Variants in ARHGEF1 observed in about 807,000 individuals in gnomAD.
ARHGEF1 encodes Rho guanine nucleotide exchange factor 1, also known as 115 kDa guanine nucleotide exchange factor.
In ARHGEF1, 40 loss-of-function variants were observed where a neutral mutation model predicts 119.7. The observed-to-expected ratio is 0.33, with a 90% confidence interval of 0.26 to 0.44. The LOEUF (loss-of-function observed/expected upper bound fraction) is 0.44, where lower values mean the gene tolerates loss of function less well. Among genes scored for constraint, ARHGEF1 ranks in the 20% least tolerant of loss-of-function variants. ARHGEF1 has a pLI of 1.00. For missense variants in ARHGEF1, 976 were observed against 1,268.3 expected (o/e 0.77, Z 3.50); for synonymous variants, 494 against 521.0 (o/e 0.95, Z 0.71).
intron 10 of ARHGEF1, 37 bp downstream of exon 10, chr19:41,894,584 C>T (rs781889347): frequency 1.2e-6 from 2 of 1,613,924 alleles, no homozygotes; most frequent in African/African-American, 2.7e-5. Flanking sequence ...CCCTGTCTTC[C>T]CCAGCTGCTC....
chr19:41,902,356 G>T lies in ARHGEF1; in HGVS notation c.1497G>T (p.Arg499=). 6.2e-7 allele frequency: 1 copy of T among 1,614,030 alleles called. No homozygotes were observed. The part of the protein sequence containing the change: ...IEEIGDVLLA[R]FDGAEGSWFQ... ...AGATCGGAGACGTGCTGCTGGCCCG[G>T]GTGAGATGCCCAGCCCTCCCGCTCC... is the stretch of plus-strand genomic sequence containing the variant. Residue 499 remains arginine, a splice_region_variant and synonymous_variant, in exon 16 of 29, where the codon CGG becomes CGT. Transcript: ENST00000354532. This position sits in a 1 kb window ranked among gnomAD's most constrained non-coding sequence, Gnocchi z 6.5.
At position 41,903,784 on chromosome 19, in the gene ARHGEF1, GGT is replaced by G; in HGVS notation, c.1917+4_1917+5del. 6.2e-7 allele frequency: 1 copy of G among 1,612,918 alleles called. No individual in the cohort carries two copies. On this transcript the variant is annotated splice_donor_variant, in intron 20 of 28. Coordinates refer to ENST00000354532, the MANE Select transcript of ARHGEF1 (RefSeq NM_004706.4). LOFTEE classifies it high-confidence loss of function. This position sits in a 1 kb window ranked among gnomAD's most constrained non-coding sequence, Gnocchi z 4.2. ...GCGACCCTATGCTGAGCGAGTTCAA[GGT>G]GTGACCATACCCTCCTGCCTCCCCC...
Position 41,906,623 on chromosome 19 carries a change from G to C in ARHGEF1, c.2655+3G>C. ...AGGAGACCATGAAGCAGCTGGAGGT[G>C]GGGCGGGACGGGCCAGGGGTGCCCT... On this transcript the variant is annotated splice_donor_region_variant and intron_variant, in intron 27 of 28. Coordinates refer to ENST00000354532, the MANE Select transcript of ARHGEF1 (RefSeq NM_004706.4). This position sits in a 1 kb window ranked among gnomAD's most constrained non-coding sequence, Gnocchi z 4.5. 1 of 1,602,220 alleles carries C rather than the reference G, an allele frequency of 6.2e-7. No homozygotes were observed. The highest frequency in any genetic ancestry group is 8.5e-7 in the Non-Finnish European group (1 of 1,176,160).
rs189050824 is a variant in ARHGEF1, at chr19:41,903,118, C to T, written c.1739-189C>T. ...GTTTTTTTTTTTAGAGACGGGGTCT[C>T]GCCATGTTGCCCAGGCTGGCTTTGA... On this transcript the variant is annotated intron_variant, in intron 18 of 28. Coordinates refer to ENST00000354532, the MANE Select transcript of ARHGEF1 (RefSeq NM_004706.4). This position sits in a 1 kb window ranked among gnomAD's most constrained non-coding sequence, Gnocchi z 4.2. 4.3e-4 allele frequency among the ~76,000 whole-genome samples: 66 copies of T among 151,876 alleles called. No individual in the cohort carries two copies. The highest frequency in any genetic ancestry group is 1.6e-3 in the African/African-American group (65 of 41,394).
Position 41,892,792 on chromosome 19 carries a change from A to ACGAGGC in ARHGEF1, c.559_564dup (p.Glu187_Ala188dup). 6.3e-7 allele frequency: 1 copy of ACGAGGC among 1,598,614 alleles called. No homozygotes were observed. Among genetic ancestry groups the ACGAGGC allele is most frequent in the East Asian group, 2.2e-5 (1 of 44,628 alleles). On this transcript the variant is annotated inframe_insertion, in exon 7 of 29. Transcript: ENST00000354532. This position sits in a 1 kb window ranked among gnomAD's most constrained non-coding sequence, Gnocchi z 6.3. ...TGGGTTGGGCGGGACCGAGCCAGCT[A>ACGAGGC]CGAGGCCCGGGAGCGGCACGTGGCG...
chr19:41,898,427 G>A lies in ARHGEF1; in HGVS notation c.1122-15G>A. On this transcript the variant is annotated splice_polypyrimidine_tract_variant and intron_variant, in intron 13 of 28. Coordinates refer to ENST00000354532, the MANE Select transcript of ARHGEF1 (RefSeq NM_004706.4). ...ATGGCCCAAGCTGGGGCCCTAACAAGGCCTCTGTCCACAGCCCCGAGCCTG... is the reference window on the plus strand; with the variant it reads ...ATGGCCCAAGCTGGGGCCCTAACAAAGCCTCTGTCCACAGCCCCGAGCCTG... 6.5e-7 allele frequency: 1 copy of A among 1,548,402 alleles called. No individual in the cohort carries two copies. The highest frequency in any genetic ancestry group is 8.7e-7 in the Non-Finnish European group (1 of 1,145,972).
rs2074811151 is a variant in ARHGEF1, at chr19:41,917,826, G to T, written c.1866-5266G>T. Among the ~76,000 whole-genome samples the T allele has an allele frequency of 6.6e-6, 1 of 151,710 alleles. No individual in the cohort carries two copies. Among genetic ancestry groups the T allele is most frequent in the Non-Finnish European group, 1.5e-5 (1 of 67,906 alleles). ...ACACACCATGCACAGCCCCAGCCAT[G>T]GGACGGCTGCCAGCCCCACCCATCT... On this transcript the variant is annotated intron_variant, in intron 18 of 20. Transcript: ENST00000599589. The surrounding 1 kb of genome is among the most constrained non-coding windows in gnomAD (Gnocchi z 4.8).
At chr19:41,924,620 G>A (rs1555853063) in intron 1 of ARHGEF1, among the ~76,000 whole-genome samples, 1 of 152,150 alleles carries the variant, frequency 6.6e-6, no homozygotes, top group African/African-American at 2.4e-5. Context: ...CTGCTACTCA[G>A]AGAATGATAC....
downstream of ARHGEF1, chr19:41,907,836 C>A (rs1186803622): frequency 2.2e-5 from 4 of 180,108 alleles, no homozygotes; most frequent in Admixed American, 6.2e-5. Flanking sequence ...AGCTCCCTGT[C>A]CCCAGGGGGG....
exon 2 of ARHGEF1, chr19:41,928,918 A>T (rs1555853596): frequency 2.2e-6 from 1 of 456,270 alleles, no homozygotes; most frequent in East Asian, 6.9e-5. Flanking sequence ...CTGGACCGGG[A>T]CTGGAACACG....
upstream of ARHGEF1, among the ~76,000 whole-genome samples, chr19:41,922,020 A>G (rs2074845269): frequency 7.3e-6 from 1 of 136,902 alleles, no homozygotes; most frequent in Admixed American, 7.4e-5. Context: ...GCCTCACTCC[A>G]CATCGGGCCC....
chr19:41,920,160 G>C (rs2074832179), upstream of ARHGEF1, among the ~76,000 whole-genome samples: 1 of 105,882 alleles, frequency 9.4e-6, no homozygotes, highest in Non-Finnish European at 1.7e-5. Context: ...GCCCAGACAT[G>C]ATGCACTCAG....
At chr19:41,914,546 T>TCCCTCCCTTTCCACCGTCTCTGTCTC (rs2074775480) in intron 18 of ARHGEF1, among the ~76,000 whole-genome samples, 1 of 118,384 alleles carries the variant, frequency 8.4e-6, no homozygotes, top group South Asian at 2.9e-4. Flanking sequence ...CTATCCGTCT[T>TCCCTCCCTTTCCACCGTCTCTGTCTC]TCCCTCCCCT....
chr19:41,884,183 C>T (rs1555844829), intron 1 of ARHGEF1, among the ~76,000 whole-genome samples: 1 of 152,144 alleles, frequency 6.6e-6, no homozygotes, highest in African/African-American at 2.4e-5. Context: ...GGGCGCGGGG[C>T]GGGGCCCGGG....
rs782046127 is a variant in ARHGEF1, at chr19:41,904,044, A to G, written c.1927A>G (p.Ile643Val). ...PMLSEFKNLD[I>V]TKKKLVHEGP... ...CCCCCTCCTGCCCCAGAACCTGGAC[A>G]TCACCAAGAAGAAATTGGTCCACGA... Residue 643 changes from isoleucine to valine, a missense_variant, in exon 21 of 29, where the codon ATC becomes GTC. Ile to Val is a conservative substitution (Grantham distance 29). This residue lies in a region of ARHGEF1 where 286 missense variants were observed against 506.8 expected (regional missense o/e 0.56). Transcript: ENST00000354532. This position sits in a 1 kb window ranked among gnomAD's most constrained non-coding sequence, Gnocchi z 8.4. 15 of 1,613,638 alleles carry G rather than the reference A, an allele frequency of 9.3e-6. No homozygotes were observed. The highest frequency in any genetic ancestry group is 1.2e-5 in the Non-Finnish European group (14 of 1,179,924).
At chr19:41,918,366 CCACACACACCA>C (rs1352648117), upstream of ARHGEF1, among the ~76,000 whole-genome samples, 1 of 150,398 alleles carries the variant, frequency 6.6e-6, no homozygotes, top group African/African-American at 2.5e-5. Context: ...ACACACCATA[CCACACACACCA>C]CACATACACC....
intron 1 of ARHGEF1, chr19:41,884,458 G>A (rs1555844893): frequency 6.2e-7 from 1 of 1,606,684 alleles, no homozygotes; most frequent in Non-Finnish European, 8.5e-7. Flanking sequence ...CTTCGGTTCC[G>A]GTGGCGGCGA....
In ARHGEF1 at chr19:41,891,505, A is replaced by G. The variant is rs1311938110; in HGVS notation, c.226-520A>G. On this transcript the variant is annotated intron_variant, in intron 4 of 28. Coordinates refer to ENST00000354532, the MANE Select transcript of ARHGEF1 (RefSeq NM_004706.4). ...CGCCATGTTGGCCTGGCCGGTCACA[A>G]ATTCCTGACCTCATGTGATCCACCT... Among the ~76,000 whole-genome samples, 5 of 152,120 alleles carry G rather than the reference A, an allele frequency of 3.3e-5. No homozygotes were observed. In the South Asian group the frequency reaches 6.2e-4, roughly 19 times the overall value.
intron 1 of ARHGEF1, among the ~76,000 whole-genome samples, chr19:41,886,219 C>T (rs2074291782): frequency 6.6e-6 from 1 of 152,000 alleles, no homozygotes; most frequent in African/African-American, 2.4e-5. Context: ...TGTCAACCAG[C>T]GATGCCATGC....
Sources: gnomAD v4.1 joint callset for allele counts (sites outside exome capture counted in the v4.1 genomes callset) on GRCh38, gnomAD v4.1.1 for gene constraint, gnomAD v4.1.1 regional missense constraint, Gnocchi (gnomAD v3.1) non-coding constraint, MANE v1.5 for transcripts, NCBI Gene and HGNC (gene_info 2026-07-23, HGNC 2026-07-21) for gene names.